GRID2: variants seen among roughly 807,000 people sequenced by gnomAD.
GRID2 encodes the protein glutamate receptor ionotropic, delta-2.
GRID2 carries 33 observed loss-of-function variants against 114.8 expected under a neutral mutation model. The ratio of observed to expected loss-of-function variants is 0.29; its 90% CI spans 0.22 to 0.38. The LOEUF is 0.38. Among genes scored for constraint, GRID2 ranks in the 10% least tolerant of loss-of-function variants. The probability of loss-of-function intolerance (pLI) is 1.00; values close to 1 mark genes in which losing one functional copy is unlikely to be tolerated. For synonymous variants in GRID2, 505 were observed against 449.9 expected (o/e 1.12, Z -1.55); for missense variants, 1,184 against 1,257.7 (o/e 0.94, Z 0.89).
chr4:92,352,723 C>T (rs770713231), intron 1 of GRID2, among the ~76,000 whole-genome samples: 29 of 151,824 alleles, frequency 1.9e-4, no homozygotes, highest in Non-Finnish European at 3.8e-4. Context: ...AGGATAAATG[C>T]CTATCTAAGT....
intron 13 of GRID2, among the ~76,000 whole-genome samples, chr4:93,571,283 A>G (rs1290924673): frequency 6.6e-6 from 1 of 152,126 alleles, no homozygotes; most frequent in Non-Finnish European, 1.5e-5. Flanking sequence ...ATCTCTAACA[A>G]TAAATACAAG....
chr4:92,504,559 G>A (rs1221680135), intron 1 of GRID2, among the ~76,000 whole-genome samples: 1 of 151,942 alleles, frequency 6.6e-6, no homozygotes, highest in Non-Finnish European at 1.5e-5. Context: ...AAGTTAATAG[G>A]AAATCTTTTT....
chr4:92,498,768 A>G (rs544144037), intron 1 of GRID2, among the ~76,000 whole-genome samples: 3 of 151,880 alleles, frequency 2.0e-5, no homozygotes, highest in Non-Finnish European at 4.4e-5. Context: ...TAAATGCACA[A>G]ACACATATTC....
At chr4:93,534,946 C>T (rs1356529069) in intron 13 of GRID2, among the ~76,000 whole-genome samples, 2 of 151,032 alleles carry the variant, frequency 1.3e-5, no homozygotes, top group African/African-American at 2.4e-5. Context: ...TGCTGTACAT[C>T]ACATTTCCAG....
intron 1 of GRID2, among the ~76,000 whole-genome samples, chr4:92,500,555 G>C (rs554521783): frequency 6.6e-6 from 1 of 152,144 alleles, no homozygotes; most frequent in African/African-American, 2.4e-5. Context: ...ACAAATACTT[G>C]TGTTTTTACT....
At chr4:92,675,978 T>C (rs934006586) in intron 2 of GRID2, among the ~76,000 whole-genome samples, 1 of 152,160 alleles carries the variant, frequency 6.6e-6, no homozygotes, top group Admixed American at 6.5e-5. Flanking sequence ...TATATGTTAT[T>C]TAATGCCTGA....
chr4:93,415,872 A>ATTATCTTATATATCATTT (rs1767652522), intron 9 of GRID2, among the ~76,000 whole-genome samples: 1 of 152,056 alleles, frequency 6.6e-6, no homozygotes, highest in Non-Finnish European at 1.5e-5. Flanking sequence ...GATAATATAG[A>ATTATCTTATATATCATTT]AGATGTAAGG....
chr4:93,685,166 C>G (rs897411333), intron 14 of GRID2, among the ~76,000 whole-genome samples: 3 of 152,072 alleles, frequency 2.0e-5, no homozygotes, highest in Non-Finnish European at 4.4e-5. Context: ...CACACTTTAT[C>G]ATGTAAAGAA....
chr4:93,282,281 A>G lies in GRID2; in HGVS notation c.1245+43791A>G, dbSNP rs144210279. 45 of 334,546 alleles carry G rather than the reference A, an allele frequency of 1.3e-4. No homozygotes were observed. In the East Asian group the frequency reaches 3.6e-3, roughly 27 times the overall value. 20.7% of individuals were successfully genotyped at this position (334,546 alleles called of 1,614,324 possible). A position where few individuals can be genotyped will look rare whatever the true frequency, so the allele number is the denominator to read the frequency against. On this transcript the variant is annotated intron_variant, in intron 8 of 15. Transcript: ENST00000282020. ...GTAAGTCTTATCTCAGGTAGTAAAA[A>G]CAATTAAAAGTACCTGCCTTAGTCC...
intron 14 of GRID2, among the ~76,000 whole-genome samples, chr4:93,737,732 G>A (rs1279503044): frequency 1.3e-5 from 2 of 151,998 alleles, no homozygotes; most frequent in Admixed American, 6.6e-5. Flanking sequence ...TTGAGTTTAT[G>A]TAGTAATACT....
At chr4:93,698,582 T>C (rs1727243861) in intron 14 of GRID2, among the ~76,000 whole-genome samples, 1 of 152,088 alleles carries the variant, frequency 6.6e-6, no homozygotes, top group African/African-American at 2.4e-5. Flanking sequence ...AATAGACTTC[T>C]TGATAAAGAA....
intron 1 of GRID2, among the ~76,000 whole-genome samples, chr4:92,499,772 G>A (rs146947583): frequency 8.0e-4 from 122 of 152,216 alleles, no homozygotes; most frequent in African/African-American, 2.8e-3. Flanking sequence ...GCACCACCAT[G>A]CCCAGTTAAC....
At chr4:92,969,904 G>C (rs1578635567) in intron 2 of GRID2, among the ~76,000 whole-genome samples, 1 of 151,832 alleles carries the variant, frequency 6.6e-6, no homozygotes. Flanking sequence ...CCAAGAATGA[G>C]TGCTTCTTAA....
intron 2 of GRID2, among the ~76,000 whole-genome samples, chr4:92,971,270 A>G (rs1753494374): frequency 1.3e-5 from 2 of 152,086 alleles, no homozygotes; most frequent in Admixed American, 1.3e-4. Flanking sequence ...TATTTTAAGC[A>G]GGAAGAGCAG....
chr4:93,213,561 A>T (rs568493208), intron 5 of GRID2, among the ~76,000 whole-genome samples: 1 of 152,190 alleles, frequency 6.6e-6, no homozygotes, highest in Non-Finnish European at 1.5e-5. Context: ...TATTTGTTAG[A>T]TGCTAAGAGG....
At chr4:92,396,258 A>T (rs2110270469) in intron 1 of GRID2, among the ~76,000 whole-genome samples, 1 of 152,096 alleles carries the variant, frequency 6.6e-6, no homozygotes, top group African/African-American at 2.4e-5. Context: ...TACTAAAAAC[A>T]ATAGAACTAA....
intron 7 of GRID2, among the ~76,000 whole-genome samples, chr4:93,230,952 G>C (rs1399646045): frequency 1.3e-5 from 2 of 151,864 alleles, no homozygotes; most frequent in Non-Finnish European, 2.9e-5. Flanking sequence ...AATTTAATTT[G>C]TTAGTGTTAT....
At chr4:92,508,586 A>G (rs981683810) in intron 1 of GRID2, among the ~76,000 whole-genome samples, 15 of 152,080 alleles carry the variant, frequency 9.9e-5, no homozygotes, top group African/African-American at 3.1e-4. Context: ...GAGCAGGCAC[A>G]AAAGCCGGAA....
In GRID2 at chr4:93,504,611, A is replaced by T. The variant is rs573374381; in HGVS notation, c.1998-10605A>T. Among the ~76,000 whole-genome samples, 44 of 152,188 alleles carry T rather than the reference A, an allele frequency of 2.9e-4. No individual in the cohort carries two copies. In the South Asian group the frequency reaches 8.5e-3, roughly 29 times the overall value. ...GATGGAAAAAACAAACTGTATGCGT[A>T]TATTTGTGTATACCTATGATAATTT... On this transcript the variant is annotated intron_variant, in intron 12 of 15. Coordinates refer to ENST00000282020, the MANE Select transcript of GRID2 (RefSeq NM_001510.4).
Sources: gnomAD v4.1 joint callset for allele counts (sites outside exome capture counted in the v4.1 genomes callset) on GRCh38, gnomAD v4.1.1 for gene constraint, MANE v1.5 for transcripts, NCBI Gene and HGNC (gene_info 2026-07-23, HGNC 2026-07-21) for gene names.